ZFPM2: variants seen among roughly 807,000 people sequenced by gnomAD.
ZFPM2 encodes the protein zinc finger protein, FOG family member 2.
A neutral mutation model predicts 98.6 loss-of-function variants in ZFPM2; 20 were observed. The ratio of observed to expected loss-of-function variants is 0.20; its 90% CI spans 0.14 to 0.29. The LOEUF (loss-of-function observed/expected upper bound fraction) is 0.29, where lower values mean the gene tolerates loss of function less well. Ranked by LOEUF, ZFPM2 falls within the 10% of genes least tolerant of loss-of-function variation. The pLI is 1.00. For missense variants in ZFPM2, 1,310 were observed against 1,388.6 expected (o/e 0.94, Z 0.90); for synonymous variants, 518 against 502.7 (o/e 1.03, Z -0.41).
chr8:105,461,618 T>G (rs747902391), intron 3 of ZFPM2, among the ~76,000 whole-genome samples: 2 of 152,172 alleles, frequency 1.3e-5, no homozygotes, highest in Non-Finnish European at 2.9e-5. Context: ...GTTGTAAAAT[T>G]CTACTTTTTG....
intron 3 of ZFPM2, 73 bp downstream of exon 3, chr8:105,444,454 C>T (rs532258430): frequency 6.1e-6 from 7 of 1,151,616 alleles, no homozygotes; most frequent in Admixed American, 2.8e-5. Flanking sequence ...TTTTCTTGAA[C>T]ATCAGTTAGC....
chr8:105,683,866 G>A (rs982401738), intron 5 of ZFPM2, among the ~76,000 whole-genome samples: 11 of 152,036 alleles, frequency 7.2e-5, no homozygotes, highest in African/African-American at 1.4e-4. Flanking sequence ...TTAGCTCTCC[G>A]TTGTCAAAGA....
chr8:105,690,226 A>G (rs543172105), intron 5 of ZFPM2, among the ~76,000 whole-genome samples: 12 of 152,252 alleles, frequency 7.9e-5, no homozygotes, highest in African/African-American at 2.4e-4. Flanking sequence ...ATGTAAAAGC[A>G]TAATAAGACT....
intron 3 of ZFPM2, among the ~76,000 whole-genome samples, chr8:105,508,618 G>C (rs558003908): frequency 6.6e-6 from 1 of 152,126 alleles, no homozygotes; most frequent in African/African-American, 2.4e-5. Context: ...ATTGTGAGCT[G>C]AGAAACTGGC....
intron 3 of ZFPM2, among the ~76,000 whole-genome samples, chr8:105,508,205 CAA>C (rs1813742102): frequency 6.6e-6 from 1 of 152,154 alleles, no homozygotes. Context: ...CATCTGATAA[CAA>C]GAGAGGTCCT....
intron 4 of ZFPM2, among the ~76,000 whole-genome samples, chr8:105,590,279 C>T (rs989176534): frequency 1.1e-4 from 16 of 152,298 alleles, no homozygotes; most frequent in African/African-American, 2.4e-4. Flanking sequence ...GACTAAGAAA[C>T]GCCCTCTAAT....
chr8:105,625,405 C>T (rs1816633017), intron 4 of ZFPM2, among the ~76,000 whole-genome samples: 1 of 152,054 alleles, frequency 6.6e-6, no homozygotes, highest in Non-Finnish European at 1.5e-5. Context: ...CACATATACA[C>T]ACATGCACAC....
rs181659870 is a variant in ZFPM2, at chr8:105,458,762, G to A, written c.301+14381G>A. Among the ~76,000 whole-genome samples, 49 of 151,980 alleles carry A rather than the reference G, an allele frequency of 3.2e-4. No individual in the cohort carries two copies. In the East Asian group the frequency reaches 7.9e-3, roughly 25 times the overall value. ...AGCCAAAAGAAAAGAAAAAAGAGAA[G>A]CATTTTCCATCTTCAGAGTCTTTGC... On this transcript the variant is annotated intron_variant, in intron 3 of 7. Coordinates refer to ENST00000407775, the MANE Select transcript of ZFPM2 (RefSeq NM_012082.4).
intron 3 of ZFPM2, among the ~76,000 whole-genome samples, chr8:105,479,071 T>C (rs1198213222): frequency 1.3e-5 from 2 of 152,216 alleles, no homozygotes; most frequent in African/African-American, 4.8e-5. Flanking sequence ...TAAGTGTTGT[T>C]CTCACAGGTC....
intron 2 of ZFPM2, among the ~76,000 whole-genome samples, chr8:105,429,474 T>G (rs563608902): frequency 2.1e-5 from 3 of 139,538 alleles, no homozygotes; most frequent in Admixed American, 2.0e-4. Flanking sequence ...ATGGAAATAG[T>G]GTCAAACTTG....
Position 105,523,110 on chromosome 8 carries a change from CCTGT to C in ZFPM2, c.302-38250_302-38247del, listed in dbSNP as rs1439089664. On this transcript the variant is annotated intron_variant, in intron 3 of 7. Coordinates refer to ENST00000407775, the MANE Select transcript of ZFPM2 (RefSeq NM_012082.4). ...TTCATCTGAAATGGGCTTAAAATTA[CCTGT>C]CTTACATATTTTTTTTGAGATGATA... 2.0e-5 allele frequency among the ~76,000 whole-genome samples: 3 copies of C among 152,198 alleles called. No homozygotes were observed. In the East Asian group the frequency reaches 5.8e-4, roughly 29 times the overall value.
In ZFPM2 at chr8:105,452,977, G is replaced by A. The variant is rs571610053; in HGVS notation, c.301+8596G>A. ...TTGTCTGGTTTTAAAAATAACTTAAGTGGGCTTAAAATATAAGTAAAGATC... is the reference window on the plus strand; with the variant it reads ...TTGTCTGGTTTTAAAAATAACTTAAATGGGCTTAAAATATAAGTAAAGATC... On this transcript the variant is annotated intron_variant, in intron 3 of 7. Coordinates refer to ENST00000407775, the MANE Select transcript of ZFPM2 (RefSeq NM_012082.4). Among the ~76,000 whole-genome samples, 237 of 152,118 alleles carry A rather than the reference G, an allele frequency of 1.6e-3. 3 individuals are homozygous for A. Among genetic ancestry groups the A allele is most frequent in the African/African-American group, 5.4e-3 (225 of 41,478 alleles).
intron 5 of ZFPM2, among the ~76,000 whole-genome samples, chr8:105,788,460 T>G (rs1439100373): frequency 6.6e-6 from 1 of 152,102 alleles, no homozygotes; most frequent in Non-Finnish European, 1.5e-5. Flanking sequence ...TTGACAAAAA[T>G]CTCTACAAAT....
At chr8:105,774,764 G>C (rs1338693817) in intron 5 of ZFPM2, among the ~76,000 whole-genome samples, 1 of 152,120 alleles carries the variant, frequency 6.6e-6, no homozygotes, top group South Asian at 2.1e-4. Context: ...CCTTTTCCTA[G>C]TTTCTTTCTT....
intron 3 of ZFPM2, among the ~76,000 whole-genome samples, chr8:105,505,406 G>A (rs1244607634): frequency 6.6e-6 from 1 of 152,098 alleles, no homozygotes; most frequent in Non-Finnish European, 1.5e-5. Context: ...CAGCACATAG[G>A]GGAATGCGTC....
rs140215972 is a variant in ZFPM2, at chr8:105,325,212, T to C, written c.40+6231T>C. ...CAGTCCAGAGAATGTGTTTTCACCA[T>C]AGATAAAGAGGTAAGTATGTATCGT... is the stretch of plus-strand genomic sequence containing the variant. On this transcript the variant is annotated intron_variant, in intron 1 of 7. Transcript: ENST00000407775. 4.8e-3 allele frequency among the ~76,000 whole-genome samples: 733 copies of C among 152,026 alleles called. 5 individuals are homozygous for C. The highest frequency in any genetic ancestry group is 0.015 in the African/African-American group (622 of 41,556).
At chr8:105,767,954 G>C (rs118062762) in intron 5 of ZFPM2, among the ~76,000 whole-genome samples, 2,540 of 151,970 alleles carry the variant, frequency 0.017, 169 homozygotes, top group Admixed American at 0.13. Flanking sequence ...TATTGCTTTA[G>C]CATGTCCTCC....
chr8:105,345,425 CTT>C (rs10560485), intron 1 of ZFPM2, among the ~76,000 whole-genome samples: 1,087 of 98,302 alleles, frequency 0.011, 12 homozygotes, highest in African/African-American at 0.032. Flanking sequence ...TCGTGATGTT[CTT>C]TTTTTTTTTT....
At chr8:105,337,357 C>T (rs1260748140) in intron 1 of ZFPM2, among the ~76,000 whole-genome samples, 3 of 151,800 alleles carry the variant, frequency 2.0e-5, no homozygotes, top group African/African-American at 7.2e-5. Flanking sequence ...AGTCTCTTCA[C>T]TTGAGGAATT....
Sources: gnomAD v4.1 joint callset for allele counts (sites outside exome capture counted in the v4.1 genomes callset) on GRCh38, gnomAD v4.1.1 for gene constraint, MANE v1.5 for transcripts, NCBI Gene and HGNC (gene_info 2026-07-23, HGNC 2026-07-21) for gene names.